The following OVOL2 variants were observed in gnomAD, a reference collection of about 807,000 sequenced individuals.
The protein encoded by OVOL2 is transcription factor Ovo-like 2.
In OVOL2, 13 loss-of-function variants were observed where a neutral mutation model predicts 18.1. That is an observed-to-expected ratio of 0.72 (90% CI 0.47 to 1.14). The LOEUF (loss-of-function observed/expected upper bound fraction) is 1.14. Ranked by LOEUF, OVOL2 falls within the 50% of genes most tolerant of loss-of-function variation. The pLI, the probability that OVOL2 is intolerant of heterozygous loss-of-function variation, is 0.00. For synonymous variants in OVOL2, 166 were observed against 162.7 expected (o/e 1.02, Z -0.16); for missense variants, 335 against 383.0 (o/e 0.87, Z 1.05).
At chr20:18,046,964 T>G (rs532069289) in intron 2 of OVOL2, among the ~76,000 whole-genome samples, 74 of 150,964 alleles carry the variant, frequency 4.9e-4, no homozygotes, top group African/African-American at 1.7e-3. Context: ...AAAACCTAGA[T>G]CTGGCTAGGG....
At chr20:18,026,628 C>G (rs563896620) in intron 3 of OVOL2, among the ~76,000 whole-genome samples, 6 of 152,092 alleles carry the variant, frequency 3.9e-5, no homozygotes, top group East Asian at 3.9e-4. Context: ...TGATCTGCCC[C>G]CCTCGGCCTC....
intron 2 of OVOL2, among the ~76,000 whole-genome samples, chr20:18,054,855 C>T (rs944492952): frequency 2.0e-5 from 3 of 151,102 alleles, no homozygotes; most frequent in Non-Finnish European, 2.9e-5. Flanking sequence ...TTGGAAAGAA[C>T]TTTATAATTA....
In OVOL2 at chr20:18,057,246, C is replaced by G. The variant is rs2036837954; in HGVS notation, c.100+289G>C. Among the ~76,000 whole-genome samples the G allele has an allele frequency of 6.6e-6, 1 of 152,110 alleles. No individual in the cohort carries two copies. Among genetic ancestry groups the G allele is most frequent in the East Asian group, 1.9e-4 (1 of 5,168 alleles). On this transcript the variant is annotated intron_variant, in intron 1 of 3. Transcript: ENST00000278780. The surrounding 1 kb of genome is among the most constrained non-coding windows in gnomAD (Gnocchi z 6.3). ...CATGAGGACGTGAGATTGGGGGTAG[C>G]CTCTGCTGGCTTTCAATCCCTTTCC...
Position 18,056,510 on chromosome 20 carries a change from G to A in OVOL2, c.321+147C>T. 1 of 996,050 alleles carries A rather than the reference G, an allele frequency of 1.0e-6. No individual in the cohort carries two copies. The highest frequency in any genetic ancestry group is 1.2e-6 in the Non-Finnish European group (1 of 836,090). 61.7% of individuals were successfully genotyped at this position (996,050 alleles called of 1,614,324 possible). On this transcript the variant is annotated intron_variant, in intron 2 of 3. Transcript: ENST00000278780. The surrounding 1 kb of genome is among the most constrained non-coding windows in gnomAD (Gnocchi z 4.2). ...CCGAGGCGCCCTGGCCGCCGCCCAGGGGCAGGTGCAGGAGCGGCGCGGCGG... is the reference window on the plus strand; with the variant it reads ...CCGAGGCGCCCTGGCCGCCGCCCAGAGGCAGGTGCAGGAGCGGCGCGGCGG...
upstream of OVOL2, among the ~76,000 whole-genome samples, chr20:18,058,411 C>CG (rs112080002): frequency 0.028 from 4,197 of 150,030 alleles, 220 homozygotes; most frequent in African/African-American, 0.099. Context: ...AACACCCCCC[C>CG]CCCATAAGCA....
chr20:18,042,191 G>A (rs2036677965), intron 2 of OVOL2, among the ~76,000 whole-genome samples: 1 of 151,978 alleles, frequency 6.6e-6, no homozygotes, highest in Non-Finnish European at 1.5e-5. Flanking sequence ...GGGATTACAG[G>A]CATGAGCCAC....
intron 2 of OVOL2, among the ~76,000 whole-genome samples, chr20:18,055,726 A>C (rs570867493): frequency 1.3e-5 from 2 of 152,268 alleles, no homozygotes; most frequent in East Asian, 3.9e-4. Context: ...GGGTGGCAGG[A>C]GGGCACCGGA....
intron 3 of OVOL2, among the ~76,000 whole-genome samples, chr20:18,038,887 G>A (rs772060762): frequency 6.6e-6 from 1 of 152,054 alleles, no homozygotes. Context: ...TGACAACCTC[G>A]AGACCTCCCC....
chr20:18,027,343 C>A (rs1247480568), intron 3 of OVOL2, among the ~76,000 whole-genome samples: 1 of 151,976 alleles, frequency 6.6e-6, no homozygotes, highest in East Asian at 2.0e-4. Context: ...GCCTGGCCAA[C>A]ATGGCGAAAC....
At chr20:18,032,905 AT>A (rs2036584276) in intron 3 of OVOL2, among the ~76,000 whole-genome samples, 1 of 152,182 alleles carries the variant, frequency 6.6e-6, no homozygotes, top group Non-Finnish European at 1.5e-5. Flanking sequence ...GGGAGTTTAC[AT>A]TTTTTTCTTT....
Position 18,024,424 on chromosome 20 carries a change from T to C in OVOL2, c.*212A>G. The C allele has an allele frequency of 1.9e-6, 2 of 1,040,426 alleles. No homozygotes were observed. The highest frequency in any genetic ancestry group is 2.6e-6 in the Non-Finnish European group (2 of 780,554). The allele number at this position is 1,040,426 out of a possible 1,614,324, so 64.4% of individuals were successfully genotyped here. A position where few individuals can be genotyped will look rare whatever the true frequency, so the allele number is the denominator to read the frequency against. On this transcript the variant is annotated 3_prime_UTR_variant, in exon 4 of 4. Coordinates refer to ENST00000278780, the MANE Select transcript of OVOL2 (RefSeq NM_021220.4). Reference sequence around the variant, plus strand: ...ACAAACTTTGGTGAATGTGAGCAACTGCGCCAGACAGGACACAGGTTACAG... The same window carrying C: ...ACAAACTTTGGTGAATGTGAGCAACCGCGCCAGACAGGACACAGGTTACAG...
At chr20:18,049,285 CCCTCTGACCAG>C (rs2036751247) in intron 2 of OVOL2, among the ~76,000 whole-genome samples, 2 of 152,214 alleles carry the variant, frequency 1.3e-5, no homozygotes, top group African/African-American at 4.8e-5. Context: ...CTTCGGCTGG[CCCTCTGACCAG>C]CTTCAAAGCC....
rs111619803 is a variant in OVOL2, at chr20:18,039,607, C to CAAAAAAAAAAAAAAA, written c.511+1912_511+1926dup. On this transcript the variant is annotated intron_variant, in intron 3 of 3. Transcript: ENST00000278780. ...TGGGTGAGAGAGCAAGACGCTGTCT[C>CAAAAAAAAAAAAAAA]AAAAAAAAAAAAAAAGAAAGAAAGA... Among the ~76,000 whole-genome samples the CAAAAAAAAAAAAAAA allele has an allele frequency of 3.9e-4, 34 of 86,914 alleles. 1 individual carries two copies. The highest frequency in any genetic ancestry group is 1.1e-3 in the African/African-American group (27 of 24,900). 57.0% of individuals were successfully genotyped at this position (86,914 alleles called of 152,430 possible).
chr20:18,052,681 C>T (rs80133404), intron 2 of OVOL2, among the ~76,000 whole-genome samples: 2,314 of 152,270 alleles, frequency 0.015, 32 homozygotes, highest in South Asian at 0.054. Context: ...AAAGGCCAAG[C>T]ATACTTTTGA....
At chr20:18,037,952 C>T (rs1180691553) in intron 3 of OVOL2, among the ~76,000 whole-genome samples, 1 of 152,136 alleles carries the variant, frequency 6.6e-6, no homozygotes, top group African/African-American at 2.4e-5. Flanking sequence ...CAAACTAAGA[C>T]ACTCCTCATT....
At position 18,057,591 on chromosome 20, in the gene OVOL2, G is replaced by T; in HGVS notation, c.44C>A (p.Ser15Ter). ...CGGGAGCTCATCCCAGCTGCGGACC[G>T]AGACCCCCAGGCTCCTCCTCTTCAC... ...FLVKRRSLGV[S>*]VRSWDELPDE... The change falls in exon 1 of 4, where the codon TCG becomes TAG. Residue 15 changes from serine to a stop codon, truncating the protein, a stop_gained. Transcript: ENST00000278780. LOFTEE classifies it high-confidence loss of function. The surrounding 1 kb of genome is among the most constrained non-coding windows in gnomAD (Gnocchi z 6.3). 1 of 1,597,612 alleles carries T rather than the reference G, an allele frequency of 6.3e-7. No individual in the cohort carries two copies. Among genetic ancestry groups the T allele is most frequent in the East Asian group, 2.3e-5 (1 of 43,942 alleles).
At chr20:18,028,026 G>A (rs912921937) in intron 3 of OVOL2, among the ~76,000 whole-genome samples, 1 of 152,106 alleles carries the variant, frequency 6.6e-6, no homozygotes, top group Non-Finnish European at 1.5e-5. Context: ...CACTGCCACA[G>A]CCACGAGACC....
At chr20:18,058,532 A>G (rs1025211954), upstream of OVOL2, among the ~76,000 whole-genome samples, 4 of 151,770 alleles carry the variant, frequency 2.6e-5, no homozygotes, top group African/African-American at 4.8e-5. Flanking sequence ...TTCTCCTCAC[A>G]AGACGTTGCA....
chr20:18,037,578 G>A (rs6080946), intron 3 of OVOL2, among the ~76,000 whole-genome samples: 6,680 of 152,240 alleles, frequency 0.044, 192 homozygotes, highest in Non-Finnish European at 0.066. Flanking sequence ...TTAGCAGATC[G>A]CCAGGCATCT....
Sources: allele counts gnomAD v4.1 joint callset (sites outside exome capture counted in the v4.1 genomes callset), GRCh38; gene constraint gnomAD v4.1.1; non-coding constraint Gnocchi (gnomAD v3.1); transcripts MANE v1.5; gene names NCBI Gene and HGNC (gene_info 2026-07-23, HGNC 2026-07-21).